Variants in SCAPER observed in about 807,000 individuals in gnomAD.
The protein encoded by SCAPER is S phase cyclin A-associated protein in the endoplasmic reticulum.
Under a neutral mutation model 182.2 loss-of-function variants are expected in SCAPER, and 98 were observed. The ratio of observed to expected loss-of-function variants is 0.54; its 90% confidence interval spans 0.46 to 0.64. The LOEUF (loss-of-function observed/expected upper bound fraction) is 0.64, where lower values mean the gene tolerates loss of function less well. SCAPER is among the 30% of genes least tolerant of loss of function. The pLI is 0.00. For synonymous variants in SCAPER, 605 were observed against 564.6 expected, an observed-to-expected ratio of 1.07 and a Z score of -1.01; for missense variants, 1,432 against 1,690.0, an observed-to-expected ratio of 0.85 and a Z score of 2.68.
At chr15:76,783,526 CATTTT>C (rs2064326167) in intron 8 of SCAPER, among the ~76,000 whole-genome samples, 2 of 152,172 alleles carry the variant, frequency 1.3e-5, no homozygotes. Context: ...CTCCCTAACT[CATTTT>C]ATGAGGCCAG....
At chr15:76,500,086 T>C (rs1269603199) in intron 24 of SCAPER, among the ~76,000 whole-genome samples, 1 of 152,192 alleles carries the variant, frequency 6.6e-6, no homozygotes, top group Non-Finnish European at 1.5e-5. Context: ...CCCATTTAAT[T>C]GAGGCTCTGT....
chr15:76,721,412 C>G (rs2060233563), intron 17 of SCAPER, among the ~76,000 whole-genome samples: 1 of 151,774 alleles, frequency 6.6e-6, no homozygotes, highest in Non-Finnish European at 1.5e-5. Flanking sequence ...GATGCGGGCT[C>G]TTTTTTGGTT....
chr15:76,492,536 G>A (rs992486187), intron 24 of SCAPER, among the ~76,000 whole-genome samples: 1 of 152,052 alleles, frequency 6.6e-6, no homozygotes, highest in Non-Finnish European at 1.5e-5. Context: ...CAGAAATAGA[G>A]AAAAATAGTA....
In SCAPER at chr15:76,434,120, G is replaced by C; in HGVS notation, c.3269C>G (p.Ser1090Ter). The C allele has an allele frequency of 1.2e-6, 2 of 1,613,970 alleles. No individual in the cohort carries two copies. The highest frequency in any genetic ancestry group is 1.7e-6 in the Non-Finnish European group (2 of 1,179,876). Residue 1090 changes from serine (S) to a stop codon, truncating the protein, a stop_gained, in exon 26 of 32, where the codon TCA (serine) becomes TGA (stop). Coordinates refer to ENST00000563290, the MANE Select transcript of SCAPER (RefSeq NM_020843.4). LOFTEE classifies it high-confidence loss of function. ...IPTQEMKNKP[S>*]QGDPFNNRVQ... Reference sequence around the variant, plus strand: ...TCGATTGTTAAAAGGATCACCTTGTGAGGGTTTGTTTTTCATTTCCTGTGT... The same window carrying C: ...TCGATTGTTAAAAGGATCACCTTGTCAGGGTTTGTTTTTCATTTCCTGTGT...
At chr15:76,530,276 C>T (rs930438005) in intron 23 of SCAPER, among the ~76,000 whole-genome samples, 2 of 152,176 alleles carry the variant, frequency 1.3e-5, no homozygotes, top group Non-Finnish European at 2.9e-5. Context: ...CATCCATCAA[C>T]TAAATTATCT....
intron 24 of SCAPER, among the ~76,000 whole-genome samples, chr15:76,473,957 G>C (rs917167693): frequency 4.0e-5 from 6 of 151,832 alleles, no homozygotes; most frequent in Admixed American, 1.3e-4. Context: ...GATTACACGC[G>C]TGTGCCACCA....
intron 24 of SCAPER, among the ~76,000 whole-genome samples, chr15:76,471,760 C>T (rs2143002134): frequency 6.6e-6 from 1 of 152,178 alleles, no homozygotes; most frequent in South Asian, 2.1e-4. Flanking sequence ...AAGAGAGCAC[C>T]CATAAGGAGA....
chr15:76,497,584 T>C (rs961581004), intron 24 of SCAPER, among the ~76,000 whole-genome samples: 1 of 152,118 alleles, frequency 6.6e-6, no homozygotes, highest in Non-Finnish European at 1.5e-5. Context: ...AGGAAACTCA[T>C]AGTAAAAACT....
chr15:76,616,647 A>T (rs185720934), intron 22 of SCAPER, among the ~76,000 whole-genome samples: 68 of 152,288 alleles, frequency 4.5e-4, no homozygotes, highest in Middle Eastern at 6.8e-3. Flanking sequence ...TCACCATTTT[A>T]AAAAATGAAA....
chr15:76,389,642 T>C (rs1484182270), intron 27 of SCAPER, among the ~76,000 whole-genome samples: 1 of 147,138 alleles, frequency 6.8e-6, no homozygotes, highest in East Asian at 2.2e-4. Flanking sequence ...TGAAACCCCA[T>C]CTTTACTAAA....
At chr15:76,497,104 C>T (rs934958836) in intron 24 of SCAPER, among the ~76,000 whole-genome samples, 3 of 9,200 alleles carry the variant, frequency 3.3e-4, no homozygotes, top group African/African-American at 5.8e-4. Flanking sequence ...CAGTTTTGGT[C>T]TCCTCTTTTT....
rs767358995 is a variant in SCAPER, at chr15:76,765,462, GA to G, written c.1496-9del. The G allele has an allele frequency of 6.2e-7, 1 of 1,611,428 alleles. No individual in the cohort carries two copies. The highest frequency in any genetic ancestry group is 8.5e-7 in the Non-Finnish European group (1 of 1,178,818). ...GGCGCCAAGACTCACGAGCTGTTCA[GA>G]AAAAAATACTATTATTGTTTAGCCA... On this transcript the variant is annotated splice_polypyrimidine_tract_variant and intron_variant, in intron 12 of 31. Transcript: ENST00000563290.
At position 76,765,818 on chromosome 15, in the gene SCAPER, C is replaced by T. The variant is rs548293605; in HGVS notation, c.1420-180G>A. ...AAATAATTGCCAAGTTAAAATACTA[C>T]AGCCTATTCATTTTAAGAGCCTAGC... On this transcript the variant is annotated intron_variant, in intron 11 of 31. Transcript: ENST00000563290. Among the ~76,000 whole-genome samples, 6 of 152,256 alleles carry T rather than the reference C, an allele frequency of 3.9e-5. 1 individual carries two copies. Among genetic ancestry groups the T allele is most frequent in the African/African-American group, 1.4e-4 (6 of 41,542 alleles).
intron 15 of SCAPER, among the ~76,000 whole-genome samples, chr15:76,752,687 T>C (rs1191541100): frequency 6.6e-6 from 1 of 151,646 alleles, no homozygotes; most frequent in Non-Finnish European, 1.5e-5. Context: ...AAATCATAGA[T>C]CTAGAAAGTA....
At chr15:76,770,515 C>CTAA (rs1268944263) in intron 10 of SCAPER, among the ~76,000 whole-genome samples, 3 of 152,038 alleles carry the variant, frequency 2.0e-5, no homozygotes, top group Non-Finnish European at 4.4e-5. Context: ...TAAGAATACA[C>CTAA]TAATATCCAC....
At chr15:76,584,175 C>T (rs1206479349) in intron 22 of SCAPER, among the ~76,000 whole-genome samples, 1 of 151,940 alleles carries the variant, frequency 6.6e-6, no homozygotes, top group African/African-American at 2.4e-5. Flanking sequence ...TGAAATAAGA[C>T]AAACTTTCCT....
At chr15:76,779,042 T>G (rs997256632) in intron 8 of SCAPER, among the ~76,000 whole-genome samples, 1 of 151,858 alleles carries the variant, frequency 6.6e-6, no homozygotes, top group Non-Finnish European at 1.5e-5. Flanking sequence ...CACAAAACAT[T>G]ATAGGATATA....
rs557957160 is a variant in SCAPER at position 76,708,269 on chromosome 15, G to T, written c.2166-2285C>A. 7.9e-5 allele frequency among the ~76,000 whole-genome samples: 12 copies of T among 152,148 alleles called. No homozygotes were observed. The East Asian group carries it at 2.3e-3, about 29-fold the overall frequency. ...GTATTATTCTTATCACTGTTTTGGGGTTGTCTTCCCGAATATTTTTGACCC... is the reference window on the plus strand; with the variant it reads ...GTATTATTCTTATCACTGTTTTGGGTTTGTCTTCCCGAATATTTTTGACCC... On this transcript the variant is annotated intron_variant, in intron 17 of 31. Coordinates refer to ENST00000563290, the MANE Select transcript of SCAPER (RefSeq NM_020843.4).
At chr15:76,568,294 C>T (rs771872826) in intron 23 of SCAPER, among the ~76,000 whole-genome samples, 7 of 151,088 alleles carry the variant, frequency 4.6e-5, no homozygotes, top group Non-Finnish European at 7.4e-5. Flanking sequence ...TCCAATAGAA[C>T]ACTATCCTAA....
Sources: allele counts gnomAD v4.1 joint callset (sites outside exome capture counted in the v4.1 genomes callset), GRCh38; gene constraint gnomAD v4.1.1; transcripts MANE v1.5; gene names NCBI Gene and HGNC (gene_info 2026-07-23, HGNC 2026-07-21).